ASIC2: variants seen among roughly 807,000 people sequenced by gnomAD.
The protein encoded by ASIC2 is acid sensing ion channel subunit 2.
In ASIC2, 25 loss-of-function variants were observed where a neutral mutation model predicts 57.3. The ratio of observed to expected loss-of-function variants is 0.44; its 90% CI spans 0.32 to 0.61. ASIC2 has a LOEUF of 0.61. ASIC2 is among the 20% of genes least tolerant of loss of function. The probability of loss-of-function intolerance (pLI) is 0.06; values close to 1 mark genes in which losing one functional copy is unlikely to be tolerated. For synonymous variants in ASIC2, 319 were observed against 307.5 expected (o/e 1.04, Z -0.39); for missense variants, 641 against 738.1 (o/e 0.87, Z 1.52).
intron 1 of ASIC2, among the ~76,000 whole-genome samples, chr17:34,021,927 T>G (rs577529086): frequency 7.1e-6 from 1 of 140,990 alleles, no homozygotes; most frequent in Non-Finnish European, 1.5e-5. Flanking sequence ...AAACTCCACC[T>G]CCTGGGCTCA....
intron 1 of ASIC2, among the ~76,000 whole-genome samples, chr17:33,339,343 T>C (rs371457975): frequency 8.5e-5 from 13 of 152,160 alleles, no homozygotes; most frequent in African/African-American, 3.1e-4. Context: ...GGCTTTGTGA[T>C]CCATATGTTC....
At chr17:33,378,478 G>A (rs1409170344) in intron 1 of ASIC2, among the ~76,000 whole-genome samples, 1 of 152,130 alleles carries the variant, frequency 6.6e-6, no homozygotes. Context: ...GTCCCTGCAG[G>A]CCTCCCCTCC....
At chr17:33,354,690 C>G (rs1244603095) in intron 1 of ASIC2, among the ~76,000 whole-genome samples, 1 of 152,036 alleles carries the variant, frequency 6.6e-6, no homozygotes, top group Non-Finnish European at 1.5e-5. Flanking sequence ...CTGATGGGCC[C>G]CTACTCATCC....
intron 1 of ASIC2, among the ~76,000 whole-genome samples, chr17:33,874,484 C>A (rs1914503194): frequency 6.6e-6 from 1 of 152,204 alleles, no homozygotes; most frequent in South Asian, 2.1e-4. Context: ...AACCAAGCAA[C>A]CTTAGTCTGA....
chr17:33,144,694 G>A (rs752721099), intron 1 of ASIC2, among the ~76,000 whole-genome samples: 40 of 152,170 alleles, frequency 2.6e-4, no homozygotes, highest in Non-Finnish European at 5.6e-4. Context: ...AGCAGCCTGG[G>A]GGAGAAACTT....
At chr17:33,434,974 A>G (rs192418315) in intron 1 of ASIC2, among the ~76,000 whole-genome samples, 5 of 152,304 alleles carry the variant, frequency 3.3e-5, no homozygotes, top group Admixed American at 3.3e-4. Flanking sequence ...TTGAGTAGGT[A>G]ATGTGAGATA....
chr17:33,301,309 A>T (rs374805896), intron 1 of ASIC2, among the ~76,000 whole-genome samples: 40 of 151,780 alleles, frequency 2.6e-4, no homozygotes, highest in Middle Eastern at 3.4e-3. Context: ...CCAAAGTGCT[A>T]GGATTGCAGG....
chr17:33,657,679 C>T (rs1249817477), intron 1 of ASIC2, among the ~76,000 whole-genome samples: 1 of 151,546 alleles, frequency 6.6e-6, no homozygotes, highest in African/African-American at 2.4e-5. Flanking sequence ...GGCCAGCTCC[C>T]CCGAAAGCTT....
intron 1 of ASIC2, among the ~76,000 whole-genome samples, chr17:34,057,855 G>C (rs1268065674): frequency 6.6e-6 from 1 of 152,120 alleles, no homozygotes; most frequent in Non-Finnish European, 1.5e-5. Context: ...ACCAAAGTCT[G>C]TCTAACTCCA....
intron 1 of ASIC2, among the ~76,000 whole-genome samples, chr17:33,650,373 A>G (rs1280894252): frequency 6.6e-6 from 1 of 152,214 alleles, no homozygotes; most frequent in African/African-American, 2.4e-5. Context: ...TCACTCAGAC[A>G]TTACTGGCGA....
intron 1 of ASIC2, chr17:34,039,888 C>G: frequency 6.3e-7 from 1 of 1,583,902 alleles, no homozygotes; most frequent in Non-Finnish European, 8.7e-7. Context: ...CTGCCGCCGC[C>G]GCCGCTGCCG....
intron 1 of ASIC2, among the ~76,000 whole-genome samples, chr17:33,733,456 G>A (rs145301572): frequency 6.6e-6 from 1 of 152,290 alleles, no homozygotes; most frequent in East Asian, 1.9e-4. Context: ...TGGACAACTA[G>A]GAGAGTTGAT....
At chr17:33,088,459 C>T (rs1329143054) in intron 3 of ASIC2, among the ~76,000 whole-genome samples, 3 of 152,074 alleles carry the variant, frequency 2.0e-5, no homozygotes, top group African/African-American at 7.2e-5. Flanking sequence ...GGGAGAGGGA[C>T]GCCTCCACCC....
chr17:33,409,676 A>G lies in ASIC2; in HGVS notation c.556-297609T>C, dbSNP rs112509578. Among the ~76,000 whole-genome samples, 394 of 152,310 alleles carry G rather than the reference A, an allele frequency of 2.6e-3. 2 individuals are homozygous for G. Among genetic ancestry groups the G allele is most frequent in the African/African-American group, 9.1e-3 (379 of 41,566 alleles). ...CAGCAGTATCTTCTGAAGTTCTGGTAAAGGAGAGTCTTGCGGAGGAGGAGG... is the reference window on the plus strand; with the variant it reads ...CAGCAGTATCTTCTGAAGTTCTGGTGAAGGAGAGTCTTGCGGAGGAGGAGG... On this transcript the variant is annotated intron_variant, in intron 1 of 9. Transcript: ENST00000359872.
intron 1 of ASIC2, among the ~76,000 whole-genome samples, chr17:33,299,446 C>G (rs1905859876): frequency 6.6e-6 from 1 of 152,192 alleles, no homozygotes; most frequent in Non-Finnish European, 1.5e-5. Flanking sequence ...CTACACCCTT[C>G]CCTTCCTTCC....
At chr17:33,448,890 A>G (rs1337971681) in intron 1 of ASIC2, among the ~76,000 whole-genome samples, 2 of 152,200 alleles carry the variant, frequency 1.3e-5, no homozygotes, top group African/African-American at 4.8e-5. Context: ...CTCTGTAGGG[A>G]AAACTTTGAA....
At chr17:33,235,904 T>G (rs188575793) in intron 1 of ASIC2, among the ~76,000 whole-genome samples, 1 of 151,490 alleles carries the variant, frequency 6.6e-6, no homozygotes, top group Non-Finnish European at 1.5e-5. Context: ...TGGTGCAATC[T>G]CAGCTCACTG....
intron 3 of ASIC2, among the ~76,000 whole-genome samples, chr17:33,057,137 T>G (rs1243736642): frequency 6.6e-6 from 1 of 152,162 alleles, no homozygotes; most frequent in Non-Finnish European, 1.5e-5. Flanking sequence ...GGATCTGCAT[T>G]ACAGGGAGGC....
chr17:34,099,300 AAAG>A (rs1910713418), intron 1 of ASIC2, among the ~76,000 whole-genome samples: 2 of 149,772 alleles, frequency 1.3e-5, no homozygotes, highest in African/African-American at 2.5e-5. Context: ...AGGAAGAAAG[AAAG>A]AGAAAGAAAG....
Sources: gnomAD v4.1 joint callset for allele counts (sites outside exome capture counted in the v4.1 genomes callset) on GRCh38, gnomAD v4.1.1 for gene constraint, MANE v1.5 for transcripts, NCBI Gene and HGNC (gene_info 2026-07-23, HGNC 2026-07-21) for gene names.